BACH2: variants seen among roughly 807,000 people sequenced by gnomAD.
BACH2 encodes transcription regulator protein BACH2.
In BACH2, 5 loss-of-function variants were observed where a neutral mutation model predicts 61.8. That is an observed-to-expected ratio of 0.08 (90% CI 0.04 to 0.17). BACH2 has a LOEUF of 0.17. Ranked by LOEUF, BACH2 falls within the 10% of genes least tolerant of loss-of-function variation. The probability of loss-of-function intolerance (pLI) is 1.00; values close to 1 mark genes in which losing one functional copy is unlikely to be tolerated. For missense variants in BACH2, 824 were observed against 1,091.1 expected, an observed-to-expected ratio of 0.76 and a Z score of 3.45; for synonymous variants, 446 against 440.1, an observed-to-expected ratio of 1.01 and a Z score of -0.17.
intron 5 of BACH2, among the ~76,000 whole-genome samples, chr6:90,059,582 C>A (rs1184830630): frequency 6.6e-6 from 1 of 152,152 alleles, no homozygotes; most frequent in Non-Finnish European, 1.5e-5. Flanking sequence ...CCTCAGGGAT[C>A]TAGGACTAGA....
intron 4 of BACH2, among the ~76,000 whole-genome samples, chr6:90,158,180 C>T (rs1212587453): frequency 1.3e-5 from 2 of 151,968 alleles, no homozygotes; most frequent in Admixed American, 6.6e-5. Context: ...TGGAGTAAGA[C>T]GGAGCTAAAG....
chr6:90,050,757 C>T (rs533680206), intron 5 of BACH2, among the ~76,000 whole-genome samples: 3 of 146,986 alleles, frequency 2.0e-5, no homozygotes, highest in South Asian at 2.4e-4. Flanking sequence ...AACGAAAGCT[C>T]TTTGGGGTTC....
chr6:90,029,145 A>T (rs895704715), intron 5 of BACH2, among the ~76,000 whole-genome samples: 1 of 152,142 alleles, frequency 6.6e-6, no homozygotes, highest in African/African-American at 2.4e-5. Context: ...CTCTGGAAAT[A>T]ACAATAGTTC....
intron 4 of BACH2, chr6:90,116,773 G>A (rs1391749247): frequency 3.3e-5 from 15 of 460,828 alleles, no homozygotes; most frequent in Middle Eastern, 3.3e-4. Context: ...AGTAATTTGC[G>A]CCTACAGTGA....
chr6:90,034,291 T>C (rs964375469), intron 5 of BACH2, among the ~76,000 whole-genome samples: 2 of 152,192 alleles, frequency 1.3e-5, no homozygotes, highest in South Asian at 2.1e-4. Flanking sequence ...TATATGCCCA[T>C]AGTCACTGCT....
At chr6:90,197,730 C>T (rs747782159) in intron 4 of BACH2, among the ~76,000 whole-genome samples, 2 of 152,178 alleles carry the variant, frequency 1.3e-5, no homozygotes, top group East Asian at 1.9e-4. Context: ...CCAGTTCAAT[C>T]AACATGCAAT....
intron 4 of BACH2, among the ~76,000 whole-genome samples, chr6:90,174,976 G>T (rs1767939670): frequency 6.6e-6 from 1 of 151,892 alleles, no homozygotes; most frequent in African/African-American, 2.4e-5. Context: ...AGTAGTTGGG[G>T]AGAGGAGAAA....
At chr6:89,933,475 T>A (rs1195674764) in intron 8 of BACH2, among the ~76,000 whole-genome samples, 1 of 152,036 alleles carries the variant, frequency 6.6e-6, no homozygotes, top group Non-Finnish European at 1.5e-5. Context: ...TATACATTTG[T>A]CCAAAACCAT....
At chr6:90,153,283 GTTC>G (rs1470610102) in intron 4 of BACH2, among the ~76,000 whole-genome samples, 1 of 152,116 alleles carries the variant, frequency 6.6e-6, no homozygotes, top group Non-Finnish European at 1.5e-5. Flanking sequence ...GTGACTTATA[GTTC>G]TTTCATTTAC....
chr6:90,296,307 C>T (rs1772384129), intron 1 of BACH2, among the ~76,000 whole-genome samples, 173 bp downstream of exon 1: 5 of 151,612 alleles, frequency 3.3e-5, no homozygotes, highest in South Asian at 2.1e-4. Flanking sequence ...CTAGAAAATG[C>T]CATAAAAGCG....
intron 5 of BACH2, among the ~76,000 whole-genome samples, chr6:90,033,351 T>TAAAAAAAAAAAAAAA (rs57759686): frequency 1.2e-5 from 1 of 83,386 alleles, no homozygotes; most frequent in African/African-American, 3.9e-5. Context: ...GAAACTTAAA[T>TAAAAAAAAAAAAAAA]AAAAAAAAAA....
chr6:90,270,565 A>G (rs1207842389), intron 2 of BACH2, among the ~76,000 whole-genome samples: 1 of 152,240 alleles, frequency 6.6e-6, no homozygotes, highest in African/African-American at 2.4e-5. Context: ...ACACTGCTGA[A>G]AGAAATAATC....
intron 5 of BACH2, among the ~76,000 whole-genome samples, chr6:90,065,112 T>A (rs538671404): frequency 3.4e-5 from 5 of 148,672 alleles, no homozygotes; most frequent in African/African-American, 1.2e-4. Context: ...AAACGTAAGG[T>A]AAGCAGAAAC....
chr6:89,945,118 C>T (rs1178365857), intron 7 of BACH2, among the ~76,000 whole-genome samples: 1 of 152,148 alleles, frequency 6.6e-6, no homozygotes, highest in Non-Finnish European at 1.5e-5. Context: ...CTAGTAGCTC[C>T]TCAAAAGGTT....
intron 4 of BACH2, among the ~76,000 whole-genome samples, chr6:90,189,480 C>T (rs961877256): frequency 1.3e-5 from 2 of 151,960 alleles, no homozygotes; most frequent in Non-Finnish European, 2.9e-5. Context: ...CGGTGGCGGG[C>T]GCCCGTAGTC....
chr6:89,949,366 G>A (rs1773934934), intron 7 of BACH2, among the ~76,000 whole-genome samples: 1 of 152,136 alleles, frequency 6.6e-6, no homozygotes, highest in South Asian at 2.1e-4. Context: ...GCAAGACAGT[G>A]CAGTGAACGC....
chr6:90,072,945 A>T (rs1781305298), intron 5 of BACH2, among the ~76,000 whole-genome samples: 1 of 152,234 alleles, frequency 6.6e-6, no homozygotes, highest in Non-Finnish European at 1.5e-5. Context: ...TAACATCGTT[A>T]ACATATTTCC....
intron 7 of BACH2, among the ~76,000 whole-genome samples, chr6:89,947,108 A>C (rs1773774125): frequency 6.6e-6 from 1 of 152,186 alleles, no homozygotes; most frequent in African/African-American, 2.4e-5. Flanking sequence ...CAAGGGGTGG[A>C]AACTCCTGTC....
intron 2 of BACH2, among the ~76,000 whole-genome samples, chr6:90,254,314 T>C (rs1358592396): frequency 1.3e-5 from 2 of 152,100 alleles, no homozygotes; most frequent in African/African-American, 4.8e-5. Flanking sequence ...TGAATCTTCC[T>C]AGATCTTTTC....
Sources: gnomAD v4.1 joint callset for allele counts (sites outside exome capture counted in the v4.1 genomes callset) on GRCh38, gnomAD v4.1.1 for gene constraint, MANE v1.5 for transcripts, NCBI Gene and HGNC (gene_info 2026-07-23, HGNC 2026-07-21) for gene names.